The following TBC1D32 variants were observed in gnomAD, a reference collection of about 807,000 sequenced individuals.
The protein encoded by TBC1D32 is TBC1 domain family member 32, also known as protein broad-minded.
Under a neutral mutation model 170.3 loss-of-function variants are expected in TBC1D32, and 151 were observed. That is an observed-to-expected ratio of 0.89 (90% CI 0.78 to 1.01). TBC1D32 has a LOEUF of 1.01. Among genes scored for constraint, TBC1D32 ranks in the 50% least tolerant of loss-of-function variants. The pLI, the probability that TBC1D32 is intolerant of heterozygous loss-of-function variation, is 0.00. For missense variants in TBC1D32, 1,464 were observed against 1,457.1 expected (o/e 1.00, Z -0.08); for synonymous variants, 498 against 488.0 (o/e 1.02, Z -0.27).
At chr6:121,189,418 G>A (rs949545978) in intron 22 of TBC1D32, among the ~76,000 whole-genome samples, 8 of 150,886 alleles carry the variant, frequency 5.3e-5, no homozygotes, top group African/African-American at 1.9e-4. Context: ...TATTAATATT[G>A]TATTAGTATA....
At chr6:121,292,022 TAAC>T in intron 12 of TBC1D32, 28 bp downstream of exon 12, 1 of 1,536,554 alleles carries the variant, frequency 6.5e-7, no homozygotes, top group Non-Finnish European at 8.8e-7. Context: ...TAGCATATCT[TAAC>T]AAATTTATTT....
chr6:121,107,803 T>C (rs548606703), intron 29 of TBC1D32, among the ~76,000 whole-genome samples: 1 of 152,056 alleles, frequency 6.6e-6, no homozygotes, highest in Non-Finnish European at 1.5e-5. Context: ...ATGATTCATA[T>C]GCAGTGTCTT....
intron 30 of TBC1D32, among the ~76,000 whole-genome samples, chr6:121,102,997 T>C (rs1457837316): frequency 1.3e-5 from 2 of 152,176 alleles, no homozygotes; most frequent in African/African-American, 2.4e-5. Context: ...TCATCATCAC[T>C]GGCCATCAGA....
intron 15 of TBC1D32, among the ~76,000 whole-genome samples, chr6:121,262,854 A>C (rs1427718610): frequency 6.6e-6 from 1 of 152,184 alleles, no homozygotes; most frequent in African/African-American, 2.4e-5. Flanking sequence ...AATAAATAAA[A>C]TCCTTTACAG....
At chr6:121,275,676 C>T (rs1489180647) in intron 15 of TBC1D32, among the ~76,000 whole-genome samples, 2 of 152,084 alleles carry the variant, frequency 1.3e-5, no homozygotes, top group African/African-American at 4.8e-5. Flanking sequence ...TAAAATTCAA[C>T]TATTTTGAAA....
At chr6:121,113,237 T>G (rs1779369370) in intron 27 of TBC1D32, 60 bp from the exon 28 acceptor site, 1 of 1,109,252 alleles carries the variant, frequency 9.0e-7, no homozygotes, top group East Asian at 2.4e-5. Context: ...TGTTTTAAAA[T>G]TACTTCTTTT....
At chr6:121,116,274 A>T (rs958622854) in intron 26 of TBC1D32, among the ~76,000 whole-genome samples, 5 of 151,738 alleles carry the variant, frequency 3.3e-5, no homozygotes, top group African/African-American at 1.2e-4. Context: ...CATCTCTGAT[A>T]TAGTAAGTAT....
At chr6:121,320,816 C>A (rs1054175192) in intron 2 of TBC1D32, among the ~76,000 whole-genome samples, 1 of 152,068 alleles carries the variant, frequency 6.6e-6, no homozygotes, top group African/African-American at 2.4e-5. Flanking sequence ...AAAATACAGT[C>A]ATTAATATAA....
intron 24 of TBC1D32, among the ~76,000 whole-genome samples, chr6:121,136,432 T>C (rs561877172): frequency 6.6e-5 from 10 of 152,292 alleles, no homozygotes; most frequent in African/African-American, 2.2e-4. Context: ...GCAGTGTCTA[T>C]AGACATTTCT....
chr6:121,241,225 G>T (rs1000227205), intron 19 of TBC1D32, among the ~76,000 whole-genome samples: 1 of 152,040 alleles, frequency 6.6e-6, no homozygotes, highest in African/African-American at 2.4e-5. Context: ...TTTGCCATTG[G>T]TCCGAGGCAA....
chr6:121,298,874 A>T (rs1162963928), intron 10 of TBC1D32, among the ~76,000 whole-genome samples: 1 of 152,012 alleles, frequency 6.6e-6, no homozygotes, highest in Non-Finnish European at 1.5e-5. Flanking sequence ...TGTCTTAATA[A>T]ATTTTGTGTT....
rs759478994 is a variant in TBC1D32 at position 121,223,358 on chromosome 6, G to C, written c.2365-6C>G. The C allele has an allele frequency of 6.4e-7, 1 of 1,551,272 alleles. No homozygotes were observed. The highest frequency in any genetic ancestry group is 8.8e-7 in the Non-Finnish European group (1 of 1,137,794). On this transcript the variant is annotated splice_polypyrimidine_tract_variant and splice_region_variant and intron_variant, in intron 20 of 31. Transcript: ENST00000398212. ...TTCACCAGTGCTAAAAAAGACTAGA[G>C]GGAAAGAAAACAGTCATTTAAATGA... is the stretch of plus-strand genomic sequence containing the variant.
At chr6:121,248,899 T>C (rs1797956094) in intron 17 of TBC1D32, among the ~76,000 whole-genome samples, 1 of 151,952 alleles carries the variant, frequency 6.6e-6, no homozygotes. Flanking sequence ...GTACCAATCC[T>C]ACTGAAACTA....
At chr6:121,282,706 C>T (rs1269579268) in intron 13 of TBC1D32, among the ~76,000 whole-genome samples, 1 of 151,714 alleles carries the variant, frequency 6.6e-6, no homozygotes, top group Non-Finnish European at 1.5e-5. Flanking sequence ...AGACACTGTA[C>T]TAGGAACTAA....
At chr6:121,108,241 T>C (rs1778884606) in intron 29 of TBC1D32, among the ~76,000 whole-genome samples, 1 of 152,110 alleles carries the variant, frequency 6.6e-6, no homozygotes. Flanking sequence ...AGATCAATAG[T>C]GAGAGCTCTA....
At chr6:121,272,739 C>T (rs547237451) in intron 15 of TBC1D32, among the ~76,000 whole-genome samples, 4 of 152,288 alleles carry the variant, frequency 2.6e-5, no homozygotes, top group African/African-American at 9.6e-5. Flanking sequence ...TACCATTTGA[C>T]CCGGCCATCC....
intron 11 of TBC1D32, among the ~76,000 whole-genome samples, chr6:121,294,240 A>T (rs1400673130): frequency 6.6e-6 from 1 of 152,208 alleles, no homozygotes; most frequent in African/African-American, 2.4e-5. Flanking sequence ...ATGCCTGATT[A>T]GATGACTGAT....
chr6:121,093,174 A>C (rs781335773), intron 30 of TBC1D32, among the ~76,000 whole-genome samples: 3 of 152,148 alleles, frequency 2.0e-5, no homozygotes, highest in Admixed American at 1.3e-4. Context: ...TGGAATTAAT[A>C]GGATGCATCT....
intron 22 of TBC1D32, among the ~76,000 whole-genome samples, chr6:121,183,441 T>C (rs1583113965): frequency 6.6e-6 from 1 of 152,096 alleles, no homozygotes; most frequent in African/African-American, 2.4e-5. Context: ...GGGAAGTATC[T>C]AGACTCTTCT....
Sources: allele counts gnomAD v4.1 joint callset (sites outside exome capture counted in the v4.1 genomes callset), GRCh38; gene constraint gnomAD v4.1.1; transcripts MANE v1.5; gene names NCBI Gene and HGNC (gene_info 2026-07-23, HGNC 2026-07-21).